The following PTPN12 variants were observed in gnomAD, a reference collection of about 807,000 sequenced individuals.
PTPN12 encodes tyrosine-protein phosphatase non-receptor type 12.
In PTPN12, 29 loss-of-function variants were observed where a neutral mutation model predicts 97.6. The ratio of observed to expected loss-of-function variants is 0.30; its 90% CI spans 0.22 to 0.41. The LOEUF is 0.41. PTPN12 is among the 10% of genes least tolerant of loss of function. PTPN12 has a pLI of 1.00. For missense variants in PTPN12, 819 were observed against 926.0 expected (o/e 0.88, Z 1.50); for synonymous variants, 327 against 300.4 (o/e 1.09, Z -0.91).
chr7:77,581,035 GTTTT>G (rs780247879), intron 2 of PTPN12, among the ~76,000 whole-genome samples: 1 of 141,092 alleles, frequency 7.1e-6, no homozygotes, highest in African/African-American at 2.6e-5. Flanking sequence ...TGGTGGTGGT[GTTTT>G]TTTGTTTTGT....
chr7:77,553,645 C>A (rs1377090261), intron 1 of PTPN12, among the ~76,000 whole-genome samples: 1 of 152,110 alleles, frequency 6.6e-6, no homozygotes, highest in Non-Finnish European at 1.5e-5. Flanking sequence ...TTTTTTCCAT[C>A]CATTTGCTTT....
intron 7 of PTPN12, among the ~76,000 whole-genome samples, chr7:77,598,243 A>G (rs1243461548): frequency 6.6e-6 from 1 of 151,886 alleles, no homozygotes; most frequent in South Asian, 2.1e-4. Context: ...TTTCAAAGAG[A>G]AGACATAGAG....
chr7:77,601,792 TATC>T (rs1444938728), intron 8 of PTPN12, among the ~76,000 whole-genome samples: 1 of 152,180 alleles, frequency 6.6e-6, no homozygotes, highest in African/African-American at 2.4e-5. Flanking sequence ...CTTCCTGTCA[TATC>T]ATGAAATTTT....
At chr7:77,630,459 G>T (rs1404011190) in intron 13 of PTPN12, among the ~76,000 whole-genome samples, 1 of 152,088 alleles carries the variant, frequency 6.6e-6, no homozygotes, top group African/African-American at 2.4e-5. Context: ...ACACATCTGG[G>T]CCATACAATG....
At position 77,627,687 on chromosome 7, in the gene PTPN12, G is replaced by T. The variant is rs1423425420; in HGVS notation, c.1996+12G>T. 6.5e-7 allele frequency: 1 copy of T among 1,538,976 alleles called. No homozygotes were observed. Among genetic ancestry groups the T allele is most frequent in the African/African-American group, 1.4e-5 (1 of 72,658 alleles). On this transcript the variant is annotated intron_variant, in intron 13 of 17. Transcript: ENST00000248594. The stretch of plus-strand genomic sequence containing the variant: ...AGGTGCTGAAAAAGGTAATAATATA[G>T]TGTCAAATACTTAAATGTCTTTCCT...
intron 11 of PTPN12, among the ~76,000 whole-genome samples, chr7:77,617,086 G>A (rs1788779170): frequency 6.6e-6 from 1 of 152,162 alleles, no homozygotes; most frequent in Non-Finnish European, 1.5e-5. Flanking sequence ...CCCAGCCTAG[G>A]GGGTACCTTT....
chr7:77,625,238 C>CT (rs1420922236), intron 12 of PTPN12, among the ~76,000 whole-genome samples: 3 of 151,284 alleles, frequency 2.0e-5, no homozygotes, highest in Non-Finnish European at 4.4e-5. Context: ...ATAGTAAACC[C>CT]TATCTTCTTC....
chr7:77,623,409 C>T (rs1290743017), intron 12 of PTPN12, among the ~76,000 whole-genome samples: 2 of 152,176 alleles, frequency 1.3e-5, no homozygotes, highest in African/African-American at 4.8e-5. Context: ...TCAAGTAAAT[C>T]TGTAAAATAC....
intron 2 of PTPN12, among the ~76,000 whole-genome samples, chr7:77,571,850 G>A (rs868005164): frequency 2.0e-4 from 30 of 151,962 alleles, no homozygotes; most frequent in African/African-American, 6.8e-4. Context: ...GAGCCACTGC[G>A]CCCTGTCTGT....
chr7:77,557,147 G>T (rs1003779883), intron 1 of PTPN12, among the ~76,000 whole-genome samples: 50 of 152,040 alleles, frequency 3.3e-4, no homozygotes, highest in African/African-American at 1.2e-3. Flanking sequence ...TAAATTTTTT[G>T]TAGAGGTGGG....
intron 12 of PTPN12, among the ~76,000 whole-genome samples, chr7:77,620,355 T>C (rs1489462509): frequency 6.6e-6 from 1 of 152,064 alleles, no homozygotes; most frequent in Non-Finnish European, 1.5e-5. Context: ...TAAGAAAAAA[T>C]ATTCAACTCA....
intron 2 of PTPN12, among the ~76,000 whole-genome samples, chr7:77,572,078 G>T (rs1308233470): frequency 4.1e-5 from 6 of 146,156 alleles, no homozygotes; most frequent in Non-Finnish European, 7.4e-5. Flanking sequence ...TCTCTAAAAT[G>T]CCTTTAAAGT....
In PTPN12 at chr7:77,632,355, T is replaced by C. The variant is rs1789427477; in HGVS notation, c.2004T>C (p.Asp668=). The C allele has an allele frequency of 1.2e-6, 2 of 1,601,834 alleles. No individual in the cohort carries two copies. Among genetic ancestry groups the C allele is most frequent in the Non-Finnish European group, 1.7e-6 (2 of 1,168,948 alleles). Residue 668 remains aspartate, a synonymous_variant, in exon 14 of 18, where the codon GAT becomes GAC. Transcript: ENST00000248594. ...TTTATGTGTTTAATTTAGATGTTGA[T>C]GTTAGTGAAGATTCACCTCCTCCCC... ...TTHSGAEKDV[D]VSEDSPPPLP...
chr7:77,617,119 TG>T (rs1281199051), intron 11 of PTPN12, among the ~76,000 whole-genome samples: 1 of 152,170 alleles, frequency 6.6e-6, no homozygotes, highest in East Asian at 1.9e-4. Flanking sequence ...CTCTAAATTC[TG>T]GTGGTACCTG....
chr7:77,594,853 G>A (rs1169259969), intron 6 of PTPN12, among the ~76,000 whole-genome samples: 1 of 152,190 alleles, frequency 6.6e-6, no homozygotes, highest in Non-Finnish European at 1.5e-5. Flanking sequence ...TATAATTCAA[G>A]AGAAAATACA....
chr7:77,625,486 T>G (rs1454735519), intron 12 of PTPN12, among the ~76,000 whole-genome samples: 16 of 94,896 alleles, frequency 1.7e-4, no homozygotes, highest in African/African-American at 3.5e-4. Flanking sequence ...TCTCTCTCTC[T>G]CTCTCTCTCT....
In PTPN12 at chr7:77,625,563, C is replaced by CTTTT. The variant is rs761274993; in HGVS notation, c.1026-1141_1026-1140insTTTT. Among the ~76,000 whole-genome samples the CTTTT allele has an allele frequency of 1.6e-3, 45 of 27,784 alleles. 13 individuals carry two copies. The highest frequency in any genetic ancestry group is 5.8e-3 in the African/African-American group (25 of 4,284). The allele number at this position is 27,784 out of a possible 152,430, so 18.2% of individuals were successfully genotyped here. Reference sequence around the variant, plus strand: ...TCGCGCTCTCTCTCTCGCTCTCTCTCTCTTTTTTTTTTTTTTTTTTTTTTT... The same window carrying CTTTT: ...TCGCGCTCTCTCTCTCGCTCTCTCTCTTTTTCTTTTTTTTTTTTTTTTTTTTTTT... On this transcript the variant is annotated intron_variant, in intron 12 of 17. Coordinates refer to ENST00000248594, the MANE Select transcript of PTPN12 (RefSeq NM_002835.4).
chr7:77,615,067 G>A (rs945654902), intron 11 of PTPN12, among the ~76,000 whole-genome samples: 1 of 152,118 alleles, frequency 6.6e-6, no homozygotes, highest in African/African-American at 2.4e-5. Flanking sequence ...AGGATTTAGA[G>A]GTACCTTAAT....
intron 8 of PTPN12, among the ~76,000 whole-genome samples, chr7:77,604,509 C>T (rs1042117675): frequency 3.3e-5 from 5 of 151,980 alleles, no homozygotes; most frequent in African/African-American, 9.7e-5. Flanking sequence ...CCACTGCGCC[C>T]AGCCTCATCT....
Sources: allele counts gnomAD v4.1 joint callset (sites outside exome capture counted in the v4.1 genomes callset), GRCh38; gene constraint gnomAD v4.1.1; transcripts MANE v1.5; gene names NCBI Gene and HGNC (gene_info 2026-07-23, HGNC 2026-07-21).